The following PGPEP1L variants were observed in gnomAD, a reference collection of about 807,000 sequenced individuals.
The protein encoded by PGPEP1L is pyroglutamyl-peptidase 1-like protein.
Under a neutral mutation model 6.0 loss-of-function variants are expected in PGPEP1L, and 7 were observed. That is an observed-to-expected ratio of 1.17 (90% CI 0.66 to 2.19). The LOEUF is 2.19. Ranked by LOEUF, PGPEP1L falls within the 30% of genes most tolerant of loss-of-function variation. The pLI is 0.00. For synonymous variants in PGPEP1L, 103 were observed against 83.9 expected (o/e 1.23, Z -1.24); for missense variants, 209 against 192.5 (o/e 1.09, Z -0.51).
At chr15:98,976,991 CAAGTAA>C (rs1208426637) in intron 2 of PGPEP1L, among the ~76,000 whole-genome samples, 1 of 92,006 alleles carries the variant, frequency 1.1e-5, no homozygotes, top group Non-Finnish European at 2.0e-5. Context: ...CTAGAGAGGT[CAAGTAA>C]AATGGCAAAA....
intron 2 of PGPEP1L, among the ~76,000 whole-genome samples, chr15:98,987,230 A>C (rs1555471606): frequency 6.8e-6 from 1 of 148,104 alleles, no homozygotes; most frequent in African/African-American, 2.5e-5. Context: ...TCATATGGAC[A>C]TTTGTTATTT....
At chr15:99,000,349 G>A (rs59001646) in intron 2 of PGPEP1L, among the ~76,000 whole-genome samples, 1,628 of 152,290 alleles carry the variant, frequency 0.011, 33 homozygotes, top group African/African-American at 0.037. Context: ...GCTCCACGGC[G>A]CCCAGTCCCA....
intron 2 of PGPEP1L, among the ~76,000 whole-genome samples, chr15:98,977,321 ACT>A (rs979759351): frequency 6.6e-6 from 1 of 152,248 alleles, no homozygotes; most frequent in African/African-American, 2.4e-5. Flanking sequence ...AATCAAAGTC[ACT>A]GATTTGAGAA....
intron 2 of PGPEP1L, among the ~76,000 whole-genome samples, chr15:98,981,528 A>AAAAAC (rs2017663442): frequency 4.0e-5 from 4 of 101,064 alleles, no homozygotes; most frequent in East Asian, 5.0e-4. Context: ...CAAAAACAAC[A>AAAAAC]AACAAAACTA....
intron 2 of PGPEP1L, among the ~76,000 whole-genome samples, chr15:98,987,880 G>A (rs1441093494): frequency 6.6e-6 from 1 of 152,068 alleles, no homozygotes. Context: ...GAGGCACAAG[G>A]GGTCAAGGGA....
At chr15:98,970,026 TTTTTA>T (rs1486895513) in intron 3 of PGPEP1L, among the ~76,000 whole-genome samples, 1 of 152,078 alleles carries the variant, frequency 6.6e-6, no homozygotes, top group Non-Finnish European at 1.5e-5. Context: ...ATCCTGAATC[TTTTTA>T]TTTTATATTT....
At chr15:99,007,202 A>C (rs1343887337) in intron 1 of PGPEP1L, among the ~76,000 whole-genome samples, 157 bp downstream of exon 1, 1 of 152,132 alleles carries the variant, frequency 6.6e-6, no homozygotes, top group Non-Finnish European at 1.5e-5. Context: ...CTGTCCTGAG[A>C]AGCTGGGCCC....
In PGPEP1L at chr15:98,970,914, C is replaced by G. The variant is rs1050531802; in HGVS notation, c.-19+122G>C. ...CACAATCAGCTGGGACCTTGCATGA[C>G]TGGTGGGGCCTGGGGACGGGGTGCC... On this transcript the variant is annotated intron_variant, in intron 3 of 4. Transcript: ENST00000535714. 17 of 1,415,464 alleles carry G rather than the reference C, an allele frequency of 1.2e-5. No homozygotes were observed. The African/African-American group carries it at 1.7e-4, about 14-fold the overall frequency. The allele number at this position is 1,415,464 out of a possible 1,614,324, so 87.7% of individuals were successfully genotyped here. A position where few individuals can be genotyped will look rare whatever the true frequency, so the allele number is the denominator to read the frequency against.
chr15:98,983,729 C>G (rs956916356), intron 2 of PGPEP1L, among the ~76,000 whole-genome samples: 1 of 152,208 alleles, frequency 6.6e-6, no homozygotes, highest in Non-Finnish European at 1.5e-5. Context: ...TTGGCACATA[C>G]TGCAAACAGC....
At chr15:98,985,550 CAAA>C (rs2017735646) in intron 2 of PGPEP1L, among the ~76,000 whole-genome samples, 2 of 152,146 alleles carry the variant, frequency 1.3e-5, no homozygotes, top group African/African-American at 4.8e-5. Flanking sequence ...AACAAACAAA[CAAA>C]CAACCAAACA....
Position 98,968,495 on chromosome 15 carries a change from G to C in PGPEP1L, c.412C>G (p.Pro138Ala), listed in dbSNP as rs1838265747. 6.2e-7 allele frequency: 1 copy of C among 1,613,318 alleles called. No homozygotes were observed. Among genetic ancestry groups the C allele is most frequent in the South Asian group, 1.1e-5 (1 of 90,806 alleles). Reference sequence around the variant, plus strand: ...TCCCCCGGTCAGTTCCCTTTGGCTGGAAGGACCATGGTTGAGTTTTCTTCG... The same window carrying C: ...TCCCCCGGTCAGTTCCCTTTGGCTGCAAGGACCATGGTTGAGTTTTCTTCG... ...QFEENSTMVL[P>A]AKGN Residue 138 changes from proline to alanine, a missense_variant, in exon 5 of 5, where the codon CCA (proline) becomes GCA (alanine). Physicochemically the swap from Pro to Ala is conservative, Grantham distance 27 (BLOSUM62 -1). Coordinates refer to ENST00000535714, the MANE Select transcript of PGPEP1L (RefSeq NM_001167902.2).
chr15:98,981,358 C>G (rs7166192), intron 2 of PGPEP1L, among the ~76,000 whole-genome samples: 3 of 151,666 alleles, frequency 2.0e-5, no homozygotes, highest in African/African-American at 4.9e-5. Flanking sequence ...GGCGTGCTGG[C>G]GGGCGCCTGT....
chr15:98,996,949 C>T (rs1555472561), intron 2 of PGPEP1L, among the ~76,000 whole-genome samples: 1 of 152,168 alleles, frequency 6.6e-6, no homozygotes, highest in Non-Finnish European at 1.5e-5. Context: ...AATCATCACA[C>T]CTTCCCATTT....
intron 2 of PGPEP1L, among the ~76,000 whole-genome samples, chr15:98,972,018 T>C (rs1436902758): frequency 2.0e-5 from 3 of 152,174 alleles, no homozygotes; most frequent in African/African-American, 7.2e-5. Context: ...ATAAGCCTCA[T>C]GGTAATCACA....
Position 98,968,343 on chromosome 15 carries a change from A to AT in PGPEP1L, c.*134dup. The AT allele has an allele frequency of 1.2e-6, 1 of 843,946 alleles. No homozygotes were observed. The allele number at this position is 843,946 out of a possible 1,614,324, so 52.3% of individuals were successfully genotyped here. ...CCTGACAATAAAATAACCCTTTGTG[A>AT]TTTTGTTGGGCTAATTCAGAGTTTT... On this transcript the variant is annotated 3_prime_UTR_variant, in exon 5 of 5. Transcript: ENST00000535714.
intron 2 of PGPEP1L, among the ~76,000 whole-genome samples, chr15:98,979,365 C>T (rs1258710413): frequency 6.6e-6 from 1 of 151,686 alleles, no homozygotes; most frequent in Non-Finnish European, 1.5e-5. Flanking sequence ...TGGCTCTTTG[C>T]ATCAATAAAA....
chr15:98,979,030 A>G (rs2017615688), intron 2 of PGPEP1L, among the ~76,000 whole-genome samples: 1 of 46,574 alleles, frequency 2.1e-5, no homozygotes, highest in Non-Finnish European at 4.6e-5. Flanking sequence ...GCCTGGCTAC[A>G]GGATATATAT....
rs1555473988 is a variant in PGPEP1L at position 99,007,627 on chromosome 15, G to A, written c.-638C>T. ...TGGAGTTATTCGTTTCTCCCGGTGG[G>A]TCCGTGATGTGGCTGGCTTTAAGAA... is the stretch of plus-strand genomic sequence containing the variant. On this transcript the variant is annotated 5_prime_UTR_variant, in exon 1 of 5. Transcript: ENST00000535714. The A allele has an allele frequency of 1.3e-5, 2 of 152,036 alleles. No individual in the cohort carries two copies. Among genetic ancestry groups the A allele is most frequent in the Non-Finnish European group, 2.9e-5 (2 of 68,106 alleles). 9.4% of individuals were successfully genotyped at this position (152,036 alleles called of 1,614,324 possible). A position where few individuals can be genotyped will look rare whatever the true frequency, so the allele number is the denominator to read the frequency against.
chr15:99,001,984 T>C (rs1596529203), intron 2 of PGPEP1L, among the ~76,000 whole-genome samples: 1 of 152,182 alleles, frequency 6.6e-6, no homozygotes, highest in East Asian at 1.9e-4. Context: ...CTCAAAGTGC[T>C]GGGATTATAG....
Sources: gnomAD v4.1 joint callset for allele counts (sites outside exome capture counted in the v4.1 genomes callset) on GRCh38, gnomAD v4.1.1 for gene constraint, MANE v1.5 for transcripts, NCBI Gene and HGNC (gene_info 2026-07-23, HGNC 2026-07-21) for gene names.